The following ESRRG variants were observed in gnomAD, a reference collection of about 807,000 sequenced individuals.
The protein encoded by ESRRG is estrogen-related receptor gamma.
ESRRG carries 13 observed loss-of-function variants against 44.0 expected under a neutral mutation model. The observed-to-expected ratio is 0.30, with a 90% confidence interval of 0.19 to 0.47. ESRRG has a LOEUF of 0.47. Among genes scored for constraint, ESRRG ranks in the 20% least tolerant of loss-of-function variants. ESRRG has a pLI of 1.00. For synonymous variants in ESRRG, 215 were observed against 214.6 expected (o/e 1.00, Z -0.02); for missense variants, 395 against 580.6 (o/e 0.68, Z 3.29).
intron 1 of ESRRG, among the ~76,000 whole-genome samples, chr1:217,073,850 T>C (rs1558202707): frequency 6.6e-6 from 1 of 151,682 alleles, no homozygotes; most frequent in Non-Finnish European, 1.5e-5. Flanking sequence ...GAGAGAAGAA[T>C]GAAAGAATGA....
At chr1:216,818,511 A>G (rs1178332187) in intron 2 of ESRRG, among the ~76,000 whole-genome samples, 2 of 152,164 alleles carry the variant, frequency 1.3e-5, no homozygotes, top group African/African-American at 2.4e-5. Context: ...GTTCAACAAG[A>G]TGCCTGGCAT....
intron 3 of ESRRG, among the ~76,000 whole-genome samples, chr1:216,648,091 T>C (rs1324237041): frequency 6.6e-6 from 1 of 152,176 alleles, no homozygotes; most frequent in Non-Finnish European, 1.5e-5. Context: ...TTCTCTGACA[T>C]ACTTCATGGG....
intron 2 of ESRRG, among the ~76,000 whole-genome samples, chr1:216,857,879 A>T (rs2095978265): frequency 2.0e-5 from 3 of 152,154 alleles, no homozygotes; most frequent in Admixed American, 2.0e-4. Context: ...TAATTTTGTT[A>T]AAAAACTTTT....
chr1:216,969,666 A>C (rs1578842661), intron 1 of ESRRG, among the ~76,000 whole-genome samples: 1 of 151,384 alleles, frequency 6.6e-6, no homozygotes, highest in African/African-American at 2.4e-5. Context: ...GCTCACCGCA[A>C]CCTCCGCCTC....
intron 2 of ESRRG, among the ~76,000 whole-genome samples, chr1:216,868,786 A>G (rs1161469847): frequency 6.6e-6 from 1 of 152,196 alleles, no homozygotes; most frequent in Non-Finnish European, 1.5e-5. Context: ...AAATTTCATT[A>G]ATATTTTAAT....
At chr1:217,077,334 G>A (rs910608967) in intron 1 of ESRRG, among the ~76,000 whole-genome samples, 2 of 152,162 alleles carry the variant, frequency 1.3e-5, no homozygotes, top group Non-Finnish European at 2.9e-5. Flanking sequence ...TAGAAAGGGG[G>A]CATGGGCTTT....
In ESRRG at chr1:216,891,880, A is replaced by G. The variant is rs562214558; in HGVS notation, c.-14+47702T>C. On this transcript the variant is annotated intron_variant, in intron 2 of 7. Transcript: ENST00000359162. The stretch of plus-strand genomic sequence containing the variant: ...AGTGGCACCATCTCAGCTCCCCACA[A>G]TCTCCACCTCCTGGGTTCAAGCAAT... Among the ~76,000 whole-genome samples the G allele has an allele frequency of 7.1e-4, 105 of 148,250 alleles. 1 individual carries two copies. Among genetic ancestry groups the G allele is most frequent in the Non-Finnish European group, 9.2e-4 (62 of 67,618 alleles).
intron 1 of ESRRG, chr1:216,707,345 A>G (rs1321071567): frequency 6.5e-7 from 1 of 1,535,788 alleles, no homozygotes; most frequent in Non-Finnish European, 8.7e-7. Flanking sequence ...ACAAAGAAAA[A>G]TAATCGGGCC....
intron 1 of ESRRG, among the ~76,000 whole-genome samples, chr1:217,109,244 T>G (rs1203237183): frequency 6.6e-6 from 1 of 152,100 alleles, no homozygotes; most frequent in East Asian, 1.9e-4. Context: ...CTAAGGGAAC[T>G]CCATAGAATG....
chr1:217,029,537 G>A (rs1022329890), intron 1 of ESRRG, among the ~76,000 whole-genome samples: 2 of 152,152 alleles, frequency 1.3e-5, no homozygotes, highest in Non-Finnish European at 2.9e-5. Context: ...AATATGTTGC[G>A]AAACGCATTA....
At chr1:216,936,956 C>A (rs189715547) in intron 2 of ESRRG, among the ~76,000 whole-genome samples, 3 of 152,120 alleles carry the variant, frequency 2.0e-5, no homozygotes, top group African/African-American at 4.8e-5. Context: ...AGAACTTAAC[C>A]GAGAGGCATT....
At chr1:216,666,940 C>CA (rs994658987) in intron 2 of ESRRG, among the ~76,000 whole-genome samples, 3 of 151,806 alleles carry the variant, frequency 2.0e-5, no homozygotes, top group Non-Finnish European at 4.4e-5. Flanking sequence ...CTCCTCCCCC[C>CA]AAAAAAAATC....
At position 217,053,648 on chromosome 1, in the gene ESRRG, G is replaced by T. The variant is rs1580148395; in HGVS notation, c.-106+35859C>A. On this transcript the variant is annotated intron_variant, in intron 1 of 7. Transcript: ENST00000359162. ...GCATGTTACCAAAATGAGTTCTTGTGTTCCAAATAATTTGCATGGCATGAC... is the reference window on the plus strand; with the variant it reads ...GCATGTTACCAAAATGAGTTCTTGTTTTCCAAATAATTTGCATGGCATGAC... Among the ~76,000 whole-genome samples the T allele has an allele frequency of 2.0e-5, 3 of 152,226 alleles. No homozygotes were observed. The East Asian group carries it at 5.8e-4, about 29-fold the overall frequency.
intron 3 of ESRRG, among the ~76,000 whole-genome samples, chr1:216,602,788 A>G (rs1032937334): frequency 2.6e-5 from 4 of 152,260 alleles, no homozygotes; most frequent in Non-Finnish European, 5.9e-5. Flanking sequence ...ATGATTTTCC[A>G]CAAGCTCAAT....
chr1:216,639,022 G>A (rs1411039645), intron 3 of ESRRG, among the ~76,000 whole-genome samples: 2 of 152,174 alleles, frequency 1.3e-5, no homozygotes, highest in Non-Finnish European at 2.9e-5. Flanking sequence ...TAAGGTCAGA[G>A]TAATTGCCAT....
rs771206130 is a variant in ESRRG, at chr1:216,723,257, G to T, written c.43C>A (p.His15Asn). 1 of 1,613,244 alleles carries T rather than the reference G, an allele frequency of 6.2e-7. No homozygotes were observed. Among genetic ancestry groups the T allele is most frequent in the South Asian group, 1.1e-5 (1 of 91,052 alleles). Residue 15 changes from histidine to asparagine, a missense_variant, in exon 1 of 7, where the codon CAC (histidine) becomes AAC (asparagine). Around this residue, in one of 5 missense-constraint regions of ESRRG, gnomAD observed 148 missense variants for 150.4 expected, o/e 0.98. Coordinates refer to ENST00000408911, the MANE Select transcript of ESRRG (RefSeq NM_001438.4). ...AAAGGTACCTACTCTTCCTCGTAGTGCAGGGAAAAAGATTCAGGAAGGCAA... is the reference window on the plus strand; with the variant it reads ...AAAGGTACCTACTCTTCCTCGTAGTTCAGGGAAAAAGATTCAGGAAGGCAA... ...ELCLPESFSL[H>N]YEEELLCRMS...
At chr1:217,129,219 T>C (rs1047713226) in intron 1 of ESRRG, among the ~76,000 whole-genome samples, 1 of 152,148 alleles carries the variant, frequency 6.6e-6, no homozygotes, top group Non-Finnish European at 1.5e-5. Context: ...ATACAAATGG[T>C]CAATAAGCAC....
intron 1 of ESRRG, among the ~76,000 whole-genome samples, chr1:217,080,229 C>A (rs2091635581): frequency 6.6e-6 from 1 of 152,102 alleles, no homozygotes; most frequent in South Asian, 2.1e-4. Context: ...GTTAAAATTA[C>A]TTTATATTCT....
intron 1 of ESRRG, among the ~76,000 whole-genome samples, chr1:217,019,004 C>T (rs2079873767): frequency 6.6e-6 from 1 of 152,140 alleles, no homozygotes; most frequent in Admixed American, 6.5e-5. Context: ...AAAAGTGCTT[C>T]CTATAACTTT....
Sources: allele counts gnomAD v4.1 joint callset (sites outside exome capture counted in the v4.1 genomes callset), GRCh38; gene constraint gnomAD v4.1.1; regional missense constraint gnomAD v4.1.1; transcripts MANE v1.5; gene names NCBI Gene and HGNC (gene_info 2026-07-23, HGNC 2026-07-21).